Variants in ODAD2 observed in about 807,000 individuals in gnomAD.
ODAD2 encodes outer dynein arm docking complex subunit 2.
A neutral mutation model predicts 106.8 loss-of-function variants in ODAD2; 89 were observed. That is an observed-to-expected ratio of 0.83 (90% CI 0.70 to 0.99). ODAD2 has a LOEUF of 0.99. Ranked by LOEUF, ODAD2 falls within the 50% of genes least tolerant of loss-of-function variation. ODAD2 has a pLI of 0.00. For missense variants in ODAD2, 1,168 were observed against 1,238.5 expected (o/e 0.94, Z 0.85); for synonymous variants, 404 against 436.2 (o/e 0.93, Z 0.92).
chr10:27,873,787 A>C (rs991793017), intron 17 of ODAD2, among the ~76,000 whole-genome samples: 6 of 152,160 alleles, frequency 3.9e-5, no homozygotes, highest in African/African-American at 1.4e-4. Context: ...TATGTGGTCA[A>C]TTTTGGAATA....
At chr10:27,938,721 T>G (rs1305379441) in intron 14 of ODAD2, among the ~76,000 whole-genome samples, 7 of 151,784 alleles carry the variant, frequency 4.6e-5, no homozygotes, top group Non-Finnish European at 7.4e-5. Flanking sequence ...TGCCTCAGCC[T>G]CCTGAGCAAC....
rs145356246 is a variant in ODAD2 at position 27,927,768 on chromosome 10, G to A, written c.2495+7242C>T. 1.6e-3 allele frequency among the ~76,000 whole-genome samples: 247 copies of A among 152,128 alleles called. 1 individual carries two copies. Among genetic ancestry groups the A allele is most frequent in the African/African-American group, 5.6e-3 (232 of 41,526 alleles). On this transcript the variant is annotated intron_variant, in intron 16 of 19. Transcript: ENST00000305242. The stretch of plus-strand genomic sequence containing the variant: ...CCGCTCAACTCTCTGGCTGATGCCT[G>A]TTTCTTTACAGAGACTTTTTCTTCA...
chr10:27,867,255 T>C (rs926413686), intron 17 of ODAD2, among the ~76,000 whole-genome samples: 9 of 152,142 alleles, frequency 5.9e-5, no homozygotes, highest in African/African-American at 2.2e-4. Flanking sequence ...AAGTTCTCAC[T>C]GGAAAGTTCC....
chr10:27,868,674 C>A (rs543123261), intron 17 of ODAD2, among the ~76,000 whole-genome samples: 1 of 151,958 alleles, frequency 6.6e-6, no homozygotes, highest in East Asian at 1.9e-4. Flanking sequence ...CACATTGGGG[C>A]CTGCTGGGGC....
At chr10:27,888,785 G>T (rs1472516153) in intron 17 of ODAD2, among the ~76,000 whole-genome samples, 1 of 151,990 alleles carries the variant, frequency 6.6e-6, no homozygotes, top group Non-Finnish European at 1.5e-5. Context: ...TTTCAACAAG[G>T]GTGTCAAAAC....
At chr10:27,945,246 CTG>C (rs1416408279) in intron 10 of ODAD2, among the ~76,000 whole-genome samples, 1 of 152,178 alleles carries the variant, frequency 6.6e-6, no homozygotes, top group Non-Finnish European at 1.5e-5. Context: ...GAGAGGCTGA[CTG>C]AGGAATGCAA....
chr10:27,838,161 G>A (rs930576883), intron 19 of ODAD2, among the ~76,000 whole-genome samples: 1 of 152,088 alleles, frequency 6.6e-6, no homozygotes, highest in African/African-American at 2.4e-5. Context: ...TTTACTTTTT[G>A]TATTTAACAG....
chr10:27,833,476 T>C (rs952273105), intron 19 of ODAD2, among the ~76,000 whole-genome samples: 2 of 152,246 alleles, frequency 1.3e-5, no homozygotes, highest in Non-Finnish European at 2.9e-5. Flanking sequence ...CCTCCCTGTA[T>C]TCTTTAAAAA....
intron 2 of ODAD2, among the ~76,000 whole-genome samples, chr10:27,987,977 T>C (rs1321991923): frequency 6.6e-6 from 1 of 151,300 alleles, no homozygotes; most frequent in Non-Finnish European, 1.5e-5. Flanking sequence ...AGGGGTTTTC[T>C]TGGCTACACT....
intron 17 of ODAD2, among the ~76,000 whole-genome samples, chr10:27,877,636 G>T (rs1841433551): frequency 6.6e-6 from 1 of 152,096 alleles, no homozygotes; most frequent in African/African-American, 2.4e-5. Context: ...TAATTATTCT[G>T]CCAAAACTGT....
rs773523307 is a variant in ODAD2 at position 27,994,730 on chromosome 10, TAGAA to T, written c.224+185_224+188del. On this transcript the variant is annotated intron_variant, in intron 2 of 19. Transcript: ENST00000305242. ...TGTTTAATTTGAAAAATTTAAAACT[TAGAA>T]AGATACTGTGTTGGCCAAGCTGAAT... Among the ~76,000 whole-genome samples the T allele has an allele frequency of 5.9e-5, 9 of 152,250 alleles. No homozygotes were observed. The East Asian group carries it at 1.2e-3, about 20-fold the overall frequency.
At chr10:27,890,315 A>G (rs528791526) in intron 17 of ODAD2, among the ~76,000 whole-genome samples, 167 of 152,274 alleles carry the variant, frequency 1.1e-3, no homozygotes, top group African/African-American at 4.0e-3. Flanking sequence ...GACAGCATGC[A>G]TTGTTTGATG....
intron 19 of ODAD2, among the ~76,000 whole-genome samples, chr10:27,819,636 T>C (rs916583776): frequency 1.3e-5 from 2 of 148,880 alleles, no homozygotes; most frequent in Non-Finnish European, 3.0e-5. Flanking sequence ...CGTGCGCCTG[T>C]AGTCTAGGTA....
intron 15 of ODAD2, among the ~76,000 whole-genome samples, chr10:27,935,751 C>T (rs529785849): frequency 8.0e-5 from 12 of 149,284 alleles, no homozygotes; most frequent in Admixed American, 1.3e-4. Context: ...ACCACTAATA[C>T]ATTTTACCAT....
At chr10:27,813,795 C>T (rs1475765722) in intron 19 of ODAD2, among the ~76,000 whole-genome samples, 1 of 152,014 alleles carries the variant, frequency 6.6e-6, no homozygotes. Flanking sequence ...GTAGCTCTTA[C>T]AGCAAATTAT....
intron 19 of ODAD2, among the ~76,000 whole-genome samples, chr10:27,825,267 T>C (rs543209210): frequency 3.3e-5 from 5 of 152,322 alleles, no homozygotes; most frequent in South Asian, 2.1e-4. Context: ...CTGAATTTAA[T>C]GATTAGGCCA....
chr10:27,850,853 A>C (rs1359041998), intron 19 of ODAD2, among the ~76,000 whole-genome samples: 1 of 152,230 alleles, frequency 6.6e-6, no homozygotes. Context: ...GACTAACTCC[A>C]GGGAGAATGT....
At chr10:27,975,448 A>G (rs947373742) in intron 7 of ODAD2, among the ~76,000 whole-genome samples, 2 of 152,172 alleles carry the variant, frequency 1.3e-5, no homozygotes, top group Admixed American at 1.3e-4. Context: ...AGAGGTAACA[A>G]TGACTACAAA....
chr10:27,958,998 G>A (rs922334978), intron 10 of ODAD2: 1 of 1,303,024 alleles, frequency 7.7e-7, no homozygotes, highest in African/African-American at 1.5e-5. Flanking sequence ...TAATGGACCG[G>A]GACTCTTGGG....
Sources: gnomAD v4.1 joint callset for allele counts (sites outside exome capture counted in the v4.1 genomes callset) on GRCh38, gnomAD v4.1.1 for gene constraint, MANE v1.5 for transcripts, NCBI Gene and HGNC (gene_info 2026-07-23, HGNC 2026-07-21) for gene names.